Variants in BCAR1 observed in about 807,000 individuals in gnomAD.
BCAR1 encodes the protein BCAR1 scaffold protein, Cas family member, also known as breast cancer anti-estrogen resistance protein 1.
Under a neutral mutation model 67.6 loss-of-function variants are expected in BCAR1, and 30 were observed. That is an observed-to-expected ratio of 0.44 (90% confidence interval 0.33 to 0.60). The LOEUF (loss-of-function observed/expected upper bound fraction) is 0.60, where lower values mean the gene tolerates loss of function less well. BCAR1 is among the 20% of genes least tolerant of loss of function. The probability of loss-of-function intolerance (pLI) is 0.02; values close to 1 mark genes in which losing one functional copy is unlikely to be tolerated. For missense variants in BCAR1, 1,313 were observed against 1,222.3 expected (o/e 1.07, Z -1.11); for synonymous variants, 626 against 556.7 (o/e 1.12, Z -1.75).
chr16:75,257,869 G>A (rs2077817270), intron 1 of BCAR1, among the ~76,000 whole-genome samples: 1 of 152,240 alleles, frequency 6.6e-6, no homozygotes, highest in Non-Finnish European at 1.5e-5. Flanking sequence ...GGGAGACCCA[G>A]GCTCAGGCTC....
chr16:75,266,890 C>A (rs1369829160), intron 1 of BCAR1: 3 of 890,852 alleles, frequency 3.4e-6, no homozygotes, highest in South Asian at 5.0e-5. Flanking sequence ...GCAGCCCGGG[C>A]TCATGGCGGG....
chr16:75,254,554 C>T (rs1409364932), upstream of BCAR1, among the ~76,000 whole-genome samples: 4 of 152,230 alleles, frequency 2.6e-5, no homozygotes, highest in Non-Finnish European at 5.9e-5. Flanking sequence ...AGTGCAGAGG[C>T]ACACACTTGC....
chr16:75,238,301 C>G, intron 2 of BCAR1: 1 of 1,147,466 alleles, frequency 8.7e-7, no homozygotes, highest in Non-Finnish European at 1.1e-6. Flanking sequence ...GCACACTGCG[C>G]CCACACGCCT....
At position 75,242,646 on chromosome 16, in the gene BCAR1, G is replaced by A. The variant is rs769378522; in HGVS notation, c.457C>T (p.Pro153Ser). ...KQTSTFSKQTPHHPFPSPATD... is the reference protein window; with the variant it reads ...KQTSTFSKQTSHHPFPSPATD... ...GCCGGGCTGGGAAACGGGTGATGGG[G>A]TGTCTGCTTCGAGAAGGTGGATGTC... Residue 153 changes from proline to serine, a missense_variant, in exon 2 of 7, where the codon CCC (proline) becomes TCC (serine). Pro to Ser is a moderately conservative substitution (Grantham distance 74, BLOSUM62 -1). This residue lies in a region of BCAR1 where 1,272 missense variants were observed against 1,137.5 expected (regional missense o/e 1.12). Transcript: ENST00000162330. The A allele has an allele frequency of 2.0e-6, 3 of 1,523,398 alleles. No homozygotes were observed. Among genetic ancestry groups the A allele is most frequent in the East Asian group, 2.3e-5 (1 of 43,712 alleles). 94.4% of individuals were successfully genotyped at this position (1,523,398 alleles called of 1,614,324 possible).
chr16:75,251,115 C>A (rs557789429), intron 1 of BCAR1, among the ~76,000 whole-genome samples: 6 of 152,286 alleles, frequency 3.9e-5, no homozygotes, highest in African/African-American at 1.2e-4. Context: ...TCCTCGCAGC[C>A]GAGGAAACTG....
intron 1 of BCAR1, chr16:75,249,810 T>C (rs1481233986): frequency 1.3e-5 from 2 of 152,194 alleles, no homozygotes; most frequent in Non-Finnish European, 2.9e-5. Flanking sequence ...CAAAAGAGCA[T>C]GGTGGTCCCC....
chr16:75,237,317 C>A lies in BCAR1; in HGVS notation c.661G>T (p.Gly221Cys). Residue 221 changes from glycine (G) to cysteine (C), a missense_variant, in exon 3 of 7, where the codon GGC becomes TGC. Gly to Cys is a radical substitution (Grantham distance 159). Coordinates refer to ENST00000162330, the MANE Select transcript of BCAR1 (RefSeq NM_014567.5). The part of the protein sequence containing the change: ...KVVVPTRVGQ[G>C]YVYEAAQPEQ... ...GGCTGGGCGGCCTCGTATACATAGC[C>A]CTGCCCCACGCGGGTGGGCACCACC... The A allele has an allele frequency of 1.3e-6, 2 of 1,492,382 alleles. No homozygotes were observed. The highest frequency in any genetic ancestry group is 1.8e-6 in the Non-Finnish European group (2 of 1,124,280). The allele number at this position is 1,492,382 out of a possible 1,614,324, so 92.4% of individuals were successfully genotyped here. A position where few individuals can be genotyped will look rare whatever the true frequency, so the allele number is the denominator to read the frequency against.
chr16:75,251,980 G>A (rs2077692350), upstream of BCAR1: 2 of 608,980 alleles, frequency 3.3e-6, no homozygotes, highest in Admixed American at 3.0e-5. Flanking sequence ...CCAGAGCCGA[G>A]ACATGGCCTC....
intron 1 of BCAR1, among the ~76,000 whole-genome samples, chr16:75,257,879 C>T (rs938159704): frequency 3.3e-5 from 5 of 152,214 alleles, no homozygotes; most frequent in African/African-American, 9.7e-5. Flanking sequence ...GGCTCAGGCT[C>T]TCGCCCAGGC....
At chr16:75,266,412 G>C (rs2078010355) in intron 1 of BCAR1, 1 of 237,388 alleles carries the variant, frequency 4.2e-6, no homozygotes, top group African/African-American at 2.2e-5. Context: ...GGGTCGCCCT[G>C]ACAGTGACAT....
intron 2 of BCAR1, among the ~76,000 whole-genome samples, chr16:75,240,414 G>A (rs1258522960): frequency 2.6e-5 from 4 of 152,186 alleles, no homozygotes; most frequent in Non-Finnish European, 4.4e-5. Flanking sequence ...CCCAGGGCCC[G>A]CCCCAGCAGA....
chr16:75,250,897 C>A, intron 1 of BCAR1: 2 of 985,536 alleles, frequency 2.0e-6, no homozygotes, highest in South Asian at 9.4e-5. Context: ...CGCCCGCCCC[C>A]ACTCCCGCTC....
chr16:75,264,265 A>G, intron 1 of BCAR1: 1 of 1,366,076 alleles, frequency 7.3e-7, no homozygotes, highest in Non-Finnish European at 9.5e-7. Context: ...ACCAAACCAA[A>G]TCAAACGGGG....
Position 75,235,067 on chromosome 16 carries a change from G to A in BCAR1, c.1832C>T (p.Thr611Ile). 1.2e-6 allele frequency: 2 copies of A among 1,613,084 alleles called. No homozygotes were observed. Among genetic ancestry groups the A allele is most frequent in the Non-Finnish European group, 1.7e-6 (2 of 1,180,028 alleles). Residue 611 changes from threonine (T) to isoleucine (I), a missense_variant, in exon 5 of 7, where the codon ACT (threonine) becomes ATT (isoleucine). Physicochemically the swap from Thr to Ile is moderately conservative, Grantham distance 89 (BLOSUM62 -1). Transcript: ENST00000162330. ...ASLLFRRTKATAPGPEGGGTL... is the reference protein window; with the variant it reads ...ASLLFRRTKAIAPGPEGGGTL... Reference sequence around the variant, plus strand: ...GCCACCCCCCTCAGGCCCCGGGGCAGTGGCCTTGGTCCGTCTGAAGAGCAG... The same window carrying A: ...GCCACCCCCCTCAGGCCCCGGGGCAATGGCCTTGGTCCGTCTGAAGAGCAG...
At chr16:75,253,743 G>T (rs1056042693), upstream of BCAR1, among the ~76,000 whole-genome samples, 1 of 151,938 alleles carries the variant, frequency 6.6e-6, no homozygotes, top group East Asian at 2.0e-4. Context: ...GATGTAGCTG[G>T]GGGGTGGGGG....
chr16:75,249,262 T>G (rs1025521178), intron 1 of BCAR1: 1 of 152,192 alleles, frequency 6.6e-6, no homozygotes, highest in Non-Finnish European at 1.5e-5. Context: ...AGGCCCAGAA[T>G]AGGGGTAGCC....
Position 75,236,663 on chromosome 16 carries a change from GAGA to G in BCAR1, c.912+216_912+218del, listed in dbSNP as rs948803253. 2.4e-5 allele frequency: 22 copies of G among 912,534 alleles called. No homozygotes were observed. In the Admixed American group the frequency reaches 6.0e-4, roughly 25 times the overall value. 56.5% of individuals were successfully genotyped at this position (912,534 alleles called of 1,614,324 possible). ...GCGGATACCCTCTCAGGAGCTCATG[GAGA>G]AGGCCTCGCAACAGGCGGTTCTGCC... On this transcript the variant is annotated intron_variant, in intron 4 of 6. Coordinates refer to ENST00000162330, the MANE Select transcript of BCAR1 (RefSeq NM_014567.5).
At chr16:75,238,053 G>C (rs766983175) in intron 2 of BCAR1, 3 of 1,288,966 alleles carry the variant, frequency 2.3e-6, no homozygotes, top group South Asian at 2.5e-5. Context: ...GGGGGAAGTG[G>C]GTCCAGGGCC....
rs201896551 is a variant in BCAR1 at position 75,231,098 on chromosome 16, C to CT, written c.2101-1076dup. Among the ~76,000 whole-genome samples, 740 of 131,830 alleles carry CT rather than the reference C, an allele frequency of 5.6e-3. 3 individuals are homozygous for CT. Among genetic ancestry groups the CT allele is most frequent in the African/African-American group, 0.016 (556 of 35,770 alleles). The allele number at this position is 131,830 out of a possible 152,430, so 86.5% of individuals were successfully genotyped here. A position where few individuals can be genotyped will look rare whatever the true frequency, so the allele number is the denominator to read the frequency against. On this transcript the variant is annotated intron_variant, in intron 6 of 6. Coordinates refer to ENST00000162330, the MANE Select transcript of BCAR1 (RefSeq NM_014567.5). Reference sequence around the variant, plus strand: ...GTCTTGATCTGTCACCCAGGCTAATCTTTTTTTTTTTTTTTTTAAATGGAG... The same window carrying CT: ...GTCTTGATCTGTCACCCAGGCTAATCTTTTTTTTTTTTTTTTTTAAATGGAG...
Sources: allele counts gnomAD v4.1 joint callset (sites outside exome capture counted in the v4.1 genomes callset), GRCh38; gene constraint gnomAD v4.1.1; regional missense constraint gnomAD v4.1.1; transcripts MANE v1.5; gene names NCBI Gene and HGNC (gene_info 2026-07-23, HGNC 2026-07-21).